The following GPBP1L1 variants were observed in gnomAD, a reference collection of about 807,000 sequenced individuals.
GPBP1L1 encodes GC-rich promoter binding protein 1 like 1.
A neutral mutation model predicts 52.5 loss-of-function variants in GPBP1L1; 23 were observed. The ratio of observed to expected loss-of-function variants is 0.44; its 90% CI spans 0.32 to 0.62. The LOEUF (loss-of-function observed/expected upper bound fraction) is 0.62. Ranked by LOEUF, GPBP1L1 falls within the 20% of genes least tolerant of loss-of-function variation. The probability of loss-of-function intolerance (pLI) is 0.06; values close to 1 mark genes in which losing one functional copy is unlikely to be tolerated. For missense variants in GPBP1L1, 596 were observed against 579.3 expected (o/e 1.03, Z -0.30); for synonymous variants, 243 against 203.1 (o/e 1.20, Z -1.67).
At position 45,627,923 on chromosome 1, in the gene GPBP1L1, A is replaced by C. The variant is rs1314452138; in HGVS notation, c.*333T>G. ...TGAGTGCCCCAAGGGCTGGTAGTAG[A>C]AGCTGTTGCTGCAGACCAGTGTCTC... On this transcript the variant is annotated 3_prime_UTR_variant, in exon 13 of 13. Coordinates refer to ENST00000355105, the MANE Select transcript of GPBP1L1 (RefSeq NM_021639.5). 5.2e-6 allele frequency: 1 copy of C among 192,138 alleles called. No homozygotes were observed. Among genetic ancestry groups the C allele is most frequent in the Non-Finnish European group, 1.1e-5 (1 of 93,994 alleles). 11.9% of individuals were successfully genotyped at this position (192,138 alleles called of 1,614,324 possible).
rs901105792 is a variant in GPBP1L1, at chr1:45,655,287, C to T, written c.93G>A (p.Glu31=). The T allele has an allele frequency of 6.2e-7, 1 of 1,613,986 alleles. No homozygotes were observed. Among genetic ancestry groups the T allele is most frequent in the Non-Finnish European group, 8.5e-7 (1 of 1,179,878 alleles). The change falls in exon 5 of 13, where the codon GAG becomes GAA. Residue 31 remains glutamate (E), a synonymous_variant. Transcript: ENST00000355105. ...ATCTACCTTCTCCTCTGGGTAGGTG[C>T]TCTCCGTGTTTTTCGAAGGTGGCAG... ...SPTATFEKHG[E]HLPRGEGRFG...
intron 2 of GPBP1L1, among the ~76,000 whole-genome samples, chr1:45,666,585 G>A (rs1645013882): frequency 6.6e-6 from 1 of 152,146 alleles, no homozygotes; most frequent in African/African-American, 2.4e-5. Flanking sequence ...AATAAAGCAA[G>A]GATGCAGAGA....
Position 45,628,023 on chromosome 1 carries a change from A to T in GPBP1L1, c.*233T>A, listed in dbSNP as rs999165070. 6.2e-5 allele frequency: 29 copies of T among 468,696 alleles called. No homozygotes were observed. The highest frequency in any genetic ancestry group is 2.5e-4 in the South Asian group (11 of 44,230). The allele number at this position is 468,696 out of a possible 1,614,324, so 29.0% of individuals were successfully genotyped here. A position where few individuals can be genotyped will look rare whatever the true frequency, so the allele number is the denominator to read the frequency against. ...GGGTGTGTATGTGTGTGTGTGTGTG[A>T]GTGTGTTTAAAAAATCTGTCCCACC... is the stretch of plus-strand genomic sequence containing the variant. On this transcript the variant is annotated 3_prime_UTR_variant, in exon 13 of 13. Coordinates refer to ENST00000355105, the MANE Select transcript of GPBP1L1 (RefSeq NM_021639.5).
At chr1:45,670,255 T>C (rs780462369) in intron 2 of GPBP1L1, among the ~76,000 whole-genome samples, 6 of 152,266 alleles carry the variant, frequency 3.9e-5, no homozygotes, top group Non-Finnish European at 7.3e-5. Flanking sequence ...ATCAGGTCTT[T>C]GTACTTCCCT....
intron 2 of GPBP1L1, among the ~76,000 whole-genome samples, chr1:45,666,493 C>T (rs1009204299): frequency 6.6e-6 from 1 of 152,086 alleles, no homozygotes; most frequent in Non-Finnish European, 1.5e-5. Flanking sequence ...CTCACTTCTT[C>T]CAGGACACAC....
Position 45,640,202 on chromosome 1 carries a change from A to T in GPBP1L1, c.744+8T>A. 6.2e-7 allele frequency: 1 copy of T among 1,608,066 alleles called. No individual in the cohort carries two copies. The highest frequency in any genetic ancestry group is 1.7e-4 in the Middle Eastern group (1 of 6,046). On this transcript the variant is annotated splice_region_variant and intron_variant, in intron 8 of 12. Coordinates refer to ENST00000355105, the MANE Select transcript of GPBP1L1 (RefSeq NM_021639.5). Reference sequence around the variant, plus strand: ...GTATAAGGTTCTTGCCCTGATTCTAAATCATACCTTGGAAGGAGGTGGTAC... The same window carrying T: ...GTATAAGGTTCTTGCCCTGATTCTATATCATACCTTGGAAGGAGGTGGTAC...
chr1:45,646,469 G>A (rs1470894337), intron 6 of GPBP1L1, among the ~76,000 whole-genome samples: 3 of 152,018 alleles, frequency 2.0e-5, no homozygotes, highest in Admixed American at 6.6e-5. Context: ...TTTTGTAAGA[G>A]TATGTCTTAG....
rs533382834 is a variant in GPBP1L1 at position 45,664,675 on chromosome 1, T to TTTG, written c.-1097-3453_-1097-3451dup. Among the ~76,000 whole-genome samples the TTTG allele has an allele frequency of 3.3e-3, 506 of 152,096 alleles. 1 individual carries two copies. The highest frequency in any genetic ancestry group is 5.4e-3 in the Non-Finnish European group (368 of 67,974). ...CTCAAGCATCTCACAGTTTTTTTGT[T>TTTG]TTGTTTTGTTTTGTTTTTGAGATGA... On this transcript the variant is annotated intron_variant, in intron 2 of 12. Coordinates refer to ENST00000355105, the MANE Select transcript of GPBP1L1 (RefSeq NM_021639.5).
intron 6 of GPBP1L1, chr1:45,646,227 G>C (rs1216126020): frequency 7.6e-6 from 2 of 262,504 alleles, no homozygotes; most frequent in Admixed American, 5.3e-5. Context: ...GCCGGAAAGA[G>C]CAATATTCCA....
At chr1:45,638,629 G>T (rs1461898208) in intron 8 of GPBP1L1, among the ~76,000 whole-genome samples, 2 of 151,976 alleles carry the variant, frequency 1.3e-5, no homozygotes, top group Non-Finnish European at 2.9e-5. Context: ...TTATCACTAG[G>T]ATAGTAACTC....
At position 45,668,894 on chromosome 1, in the gene GPBP1L1, G is replaced by T. The variant is rs564480191; in HGVS notation, c.-1097-7669C>A. Among the ~76,000 whole-genome samples, 13 of 152,168 alleles carry T rather than the reference G, an allele frequency of 8.5e-5. No individual in the cohort carries two copies. In the South Asian group the frequency reaches 2.1e-3, roughly 24 times the overall value. ...GACAATCACCTCACCTTGAGCCCAG[G>T]AATTCAAGGTTGCAGTAGGCTATGA... is the stretch of plus-strand genomic sequence containing the variant. On this transcript the variant is annotated intron_variant, in intron 2 of 12. Coordinates refer to ENST00000355105, the MANE Select transcript of GPBP1L1 (RefSeq NM_021639.5).
chr1:45,640,465 A>G, intron 7 of GPBP1L1, 62 bp from the exon 8 acceptor site: 1 of 1,385,692 alleles, frequency 7.2e-7, no homozygotes, highest in South Asian at 1.2e-5. Flanking sequence ...CATGAAGCAT[A>G]GTTTATACAA....
intron 2 of GPBP1L1, among the ~76,000 whole-genome samples, chr1:45,679,596 G>C (rs950164560): frequency 6.6e-6 from 1 of 152,120 alleles, no homozygotes; most frequent in Non-Finnish European, 1.5e-5. Context: ...AGCAATACTG[G>C]AAGGGGGCTA....
intron 6 of GPBP1L1, among the ~76,000 whole-genome samples, chr1:45,644,359 T>G (rs1033275365): frequency 6.6e-6 from 1 of 152,192 alleles, no homozygotes; most frequent in African/African-American, 2.4e-5. Flanking sequence ...CTCTTTCTAC[T>G]GTTTTAAAAA....
At chr1:45,681,625 A>G (rs1645213215) in intron 2 of GPBP1L1, among the ~76,000 whole-genome samples, 1 of 152,246 alleles carries the variant, frequency 6.6e-6, no homozygotes. Flanking sequence ...TTCATTAAAG[A>G]CAACTTCTCT....
At chr1:45,673,177 GAAT>G (rs1280644214) in intron 2 of GPBP1L1, among the ~76,000 whole-genome samples, 1 of 152,184 alleles carries the variant, frequency 6.6e-6, no homozygotes, top group Non-Finnish European at 1.5e-5. Context: ...GCAGGCTCAT[GAAT>G]ACATAGGTGG....
intron 2 of GPBP1L1, among the ~76,000 whole-genome samples, chr1:45,677,610 GA>G (rs139878768): frequency 0.28 from 43,078 of 151,822 alleles, 6,244 homozygotes; most frequent in South Asian, 0.37. Flanking sequence ...GCTAGGAAAA[GA>G]AAAAAATATA....
intron 10 of GPBP1L1, 52 bp downstream of exon 10, chr1:45,633,437 T>C (rs1472710998): frequency 2.5e-6 from 4 of 1,577,978 alleles, no homozygotes; most frequent in South Asian, 1.1e-5. Flanking sequence ...AAATCACGTA[T>C]GTATCAAAGG....
chr1:45,634,462 C>T, intron 8 of GPBP1L1: 1 of 394,960 alleles, frequency 2.5e-6, no homozygotes, highest in Non-Finnish European at 4.6e-6. Flanking sequence ...AGTGACTTCC[C>T]AAAAACAGGG....
Sources: allele counts gnomAD v4.1 joint callset (sites outside exome capture counted in the v4.1 genomes callset), GRCh38; gene constraint gnomAD v4.1.1; transcripts MANE v1.5; gene names NCBI Gene and HGNC (gene_info 2026-07-23, HGNC 2026-07-21).